The following LYPLA1 variants were observed in gnomAD, a reference collection of about 807,000 sequenced individuals.
LYPLA1 encodes lysophospholipase 1.
Under a neutral mutation model 34.0 loss-of-function variants are expected in LYPLA1, and 17 were observed. The ratio of observed to expected loss-of-function variants is 0.50; its 90% CI spans 0.34 to 0.75. The LOEUF (loss-of-function observed/expected upper bound fraction) is 0.75. Ranked by LOEUF, LYPLA1 falls within the 30% of genes least tolerant of loss-of-function variation. The probability of loss-of-function intolerance (pLI) is 0.01; values close to 1 mark genes in which losing one functional copy is unlikely to be tolerated. For missense variants in LYPLA1, 203 were observed against 288.8 expected, an observed-to-expected ratio of 0.70 and a Z score of 2.15; for synonymous variants, 98 against 100.8, an observed-to-expected ratio of 0.97 and a Z score of 0.17.
At chr8:54,064,685 A>ATGAGTATG (rs1806915952) in intron 3 of LYPLA1, among the ~76,000 whole-genome samples, 1 of 152,170 alleles carries the variant, frequency 6.6e-6, no homozygotes, top group Admixed American at 6.6e-5. Flanking sequence ...AGTATGTCCA[A>ATGAGTATG]TCCCTTCTTG....
intron 2 of LYPLA1, among the ~76,000 whole-genome samples, chr8:54,095,241 C>A (rs545359348): frequency 6.6e-6 from 1 of 152,224 alleles, no homozygotes; most frequent in East Asian, 1.9e-4. Context: ...AGATGATCCT[C>A]CTGCCTCAGC....
intron 7 of LYPLA1, among the ~76,000 whole-genome samples, chr8:54,051,962 T>C (rs771993466): frequency 1.5e-4 from 23 of 151,960 alleles, no homozygotes; most frequent in Middle Eastern, 3.4e-3. Flanking sequence ...GTGATTCTCA[T>C]GCCTCAGCCT....
intron 5 of LYPLA1, among the ~76,000 whole-genome samples, chr8:54,056,415 A>G (rs368086766): frequency 1.3e-4 from 20 of 152,212 alleles, no homozygotes; most frequent in Admixed American, 1.2e-3. Context: ...CCCCACAAGC[A>G]TATCAACCAA....
At chr8:54,055,016 A>C in intron 6 of LYPLA1, 44 bp downstream of exon 6, 1 of 1,151,838 alleles carries the variant, frequency 8.7e-7, no homozygotes, top group East Asian at 2.3e-5. Context: ...ACTTCTAAAT[A>C]AGTATACTGA....
At chr8:54,093,213 T>G (rs1240329234) in intron 2 of LYPLA1, among the ~76,000 whole-genome samples, 1 of 152,206 alleles carries the variant, frequency 6.6e-6, no homozygotes, top group Non-Finnish European at 1.5e-5. Flanking sequence ...GGAAAGGTAG[T>G]GAGAATAATG....
At chr8:54,078,417 T>C (rs902589665) in intron 2 of LYPLA1, among the ~76,000 whole-genome samples, 1 of 152,230 alleles carries the variant, frequency 6.6e-6, no homozygotes, top group Non-Finnish European at 1.5e-5. Flanking sequence ...ATAAATTCTC[T>C]ACCCACCAGA....
chr8:54,089,503 G>GGGC (rs1554549512), intron 2 of LYPLA1, among the ~76,000 whole-genome samples: 1 of 138,346 alleles, frequency 7.2e-6, no homozygotes, highest in African/African-American at 3.1e-5. Context: ...GGGGGGGGGC[G>GGGC]GGATCTTTGA....
intron 5 of LYPLA1, among the ~76,000 whole-genome samples, chr8:54,056,807 G>C (rs1806237574): frequency 6.6e-6 from 1 of 152,104 alleles, no homozygotes; most frequent in Non-Finnish European, 1.5e-5. Flanking sequence ...CAGCTACTTG[G>C]GAGGCTGAGG....
chr8:54,055,475 A>G (rs1395394716), intron 5 of LYPLA1, among the ~76,000 whole-genome samples: 1 of 152,098 alleles, frequency 6.6e-6, no homozygotes, highest in African/African-American at 2.4e-5. Context: ...TTCCATGGTC[A>G]TGGATAAGAA....
chr8:54,043,759 C>T (rs1805424255), downstream of LYPLA1, among the ~76,000 whole-genome samples: 1 of 152,034 alleles, frequency 6.6e-6, no homozygotes, highest in South Asian at 2.1e-4. Flanking sequence ...CGGGGTTTCA[C>T]CACCTTGGTT....
chr8:54,049,763 T>C (rs1169777216), intron 8 of LYPLA1, among the ~76,000 whole-genome samples: 4 of 152,166 alleles, frequency 2.6e-5, no homozygotes, highest in African/African-American at 9.7e-5. Context: ...CTACTCTTCT[T>C]CCTGTTTACC....
At chr8:54,095,001 T>C (rs928388091) in intron 2 of LYPLA1, among the ~76,000 whole-genome samples, 6 of 152,124 alleles carry the variant, frequency 3.9e-5, no homozygotes, top group East Asian at 1.9e-4. Flanking sequence ...TACCCCACAG[T>C]AGACTGCTAA....
intron 2 of LYPLA1, among the ~76,000 whole-genome samples, chr8:54,084,133 A>AAAAAAAAAAAAAAAAATATATATAT (rs1373090573): frequency 8.3e-6 from 1 of 120,484 alleles, no homozygotes; most frequent in African/African-American, 4.6e-5. Context: ...AGAAAAAAAA[A>AAAAAAAAAAAAAAAAATATATATAT]ATAAATAAAT....
At chr8:54,073,794 T>C (rs1807676916) in intron 2 of LYPLA1, among the ~76,000 whole-genome samples, 1 of 152,216 alleles carries the variant, frequency 6.6e-6, no homozygotes, top group Admixed American at 6.5e-5. Context: ...TTTTCAAAAG[T>C]CAGCCATATC....
chr8:54,091,646 T>C (rs1172476269), intron 2 of LYPLA1, among the ~76,000 whole-genome samples: 3 of 151,626 alleles, frequency 2.0e-5, no homozygotes, highest in Non-Finnish European at 4.4e-5. Context: ...AGAACCCTTA[T>C]ATGAGAAAAA....
In LYPLA1 at chr8:54,084,125, A is replaced by G. The variant is rs1187299291; in HGVS notation, c.101+16783T>C. ...TGCACTCCAGCCTGGGAGACCAAAG[A>G]AAAAAAAAATAAATAAATATATATA... On this transcript the variant is annotated intron_variant, in intron 2 of 8. Coordinates refer to ENST00000316963, the MANE Select transcript of LYPLA1 (RefSeq NM_006330.4). Among the ~76,000 whole-genome samples the G allele has an allele frequency of 2.9e-3, 335 of 114,856 alleles. 3 individuals are homozygous for G. Among genetic ancestry groups the G allele is most frequent in the African/African-American group, 0.013 (295 of 21,858 alleles). 75.3% of individuals were successfully genotyped at this position (114,856 alleles called of 152,430 possible). A position where few individuals can be genotyped will look rare whatever the true frequency, so the allele number is the denominator to read the frequency against.
intron 4 of LYPLA1, among the ~76,000 whole-genome samples, chr8:54,062,534 C>T (rs1429345962): frequency 4.2e-5 from 5 of 120,038 alleles, no homozygotes; most frequent in East Asian, 4.9e-4. Context: ...TTTTTTGAGA[C>T]GAAGTCTCAC....
chr8:54,085,849 G>A (rs567342732), intron 2 of LYPLA1, among the ~76,000 whole-genome samples: 9 of 148,132 alleles, frequency 6.1e-5, no homozygotes, highest in South Asian at 2.2e-4. Flanking sequence ...CCCCGTCCGC[G>A]AGGTGGGGGG....
At chr8:54,088,651 G>A (rs1234749369) in intron 2 of LYPLA1, among the ~76,000 whole-genome samples, 1 of 152,148 alleles carries the variant, frequency 6.6e-6, no homozygotes, top group Non-Finnish European at 1.5e-5. Flanking sequence ...TCCATACAAA[G>A]TCTTGTACAC....
Sources: allele counts gnomAD v4.1 joint callset (sites outside exome capture counted in the v4.1 genomes callset), GRCh38; gene constraint gnomAD v4.1.1; transcripts MANE v1.5; gene names NCBI Gene and HGNC (gene_info 2026-07-23, HGNC 2026-07-21).